Variants in CACNA2D4 observed in about 807,000 individuals in gnomAD.
CACNA2D4 encodes the protein calcium voltage-gated channel auxiliary subunit alpha2delta 4.
Under a neutral mutation model 163.8 loss-of-function variants are expected in CACNA2D4, and 157 were observed. That is an observed-to-expected ratio of 0.96 (90% confidence interval 0.84 to 1.09). The LOEUF (loss-of-function observed/expected upper bound fraction) is 1.09. CACNA2D4 is among the 50% of genes least tolerant of loss of function. The probability of loss-of-function intolerance (pLI) is 0.00; values close to 1 mark genes in which losing one functional copy is unlikely to be tolerated. For missense variants in CACNA2D4, 1,410 were observed against 1,479.9 expected (o/e 0.95, Z 0.78); for synonymous variants, 598 against 586.9 (o/e 1.02, Z -0.27).
rs914330890 is a variant in CACNA2D4, at chr12:1,890,729, T to C, written c.782-3660A>G. ...TGTCTGCATGCCCCAGCAGAGGGCA[T>C]TGGGACAGGTCCACCTGACCTGGCT... On this transcript the variant is annotated intron_variant, in intron 6 of 37. Transcript: ENST00000382722. Among the ~76,000 whole-genome samples the C allele has an allele frequency of 5.9e-5, 9 of 152,288 alleles. No individual in the cohort carries two copies. The South Asian group carries it at 6.2e-4, about 11-fold the overall frequency.
At chr12:1,840,498 C>T (rs927707310) in intron 26 of CACNA2D4, among the ~76,000 whole-genome samples, 2 of 152,090 alleles carry the variant, frequency 1.3e-5, no homozygotes, top group Non-Finnish European at 2.9e-5. Context: ...TCCGTGTGGC[C>T]GTGCAGATCT....
chr12:1,899,379 G>C (rs1290466694), intron 6 of CACNA2D4, among the ~76,000 whole-genome samples: 1 of 152,102 alleles, frequency 6.6e-6, no homozygotes, highest in Non-Finnish European at 1.5e-5. Context: ...GACAAAAGAT[G>C]ATTCCTGACA....
chr12:1,871,712 A>G (rs952503884), intron 18 of CACNA2D4, among the ~76,000 whole-genome samples: 1 of 151,894 alleles, frequency 6.6e-6, no homozygotes, highest in African/African-American at 2.4e-5. Context: ...GTACACGTGT[A>G]TGCAACTGGC....
At chr12:1,848,698 GT>G (rs1865207712) in intron 23 of CACNA2D4, among the ~76,000 whole-genome samples, 1 of 151,588 alleles carries the variant, frequency 6.6e-6, no homozygotes, top group African/African-American at 2.4e-5. Flanking sequence ...GGCCAATGAG[GT>G]TTTTTCCAGT....
rs185635747 is a variant in CACNA2D4 at position 1,833,671 on chromosome 12, T to G, written c.2551+7068A>C. ...GAACATTCCTGCCCAACTCTTTTCCTCTTTACGCCAGGAAGGGAGCTGCCC... is the reference window on the plus strand; with the variant it reads ...GAACATTCCTGCCCAACTCTTTTCCGCTTTACGCCAGGAAGGGAGCTGCCC... On this transcript the variant is annotated intron_variant, in intron 26 of 37. Coordinates refer to ENST00000382722, the MANE Select transcript of CACNA2D4 (RefSeq NM_172364.5). This position sits in a 1 kb window ranked among gnomAD's most constrained non-coding sequence, Gnocchi z 4.2. Among the ~76,000 whole-genome samples the G allele has an allele frequency of 6.6e-5, 10 of 152,222 alleles. No individual in the cohort carries two copies. The highest frequency in any genetic ancestry group is 2.4e-4 in the African/African-American group (10 of 41,528).
intron 11 of CACNA2D4, 57 bp downstream of exon 11, chr12:1,884,711 C>A: frequency 1.7e-6 from 2 of 1,148,204 alleles, no homozygotes; most frequent in South Asian, 2.6e-5. Flanking sequence ...TGCTGGTGAT[C>A]CCATCCATGG....
chr12:1,875,850 A>C lies in CACNA2D4; in HGVS notation c.1720-513T>G, dbSNP rs1865870594. On this transcript the variant is annotated intron_variant, in intron 16 of 37. Transcript: ENST00000382722. This position sits in a 1 kb window ranked among gnomAD's most constrained non-coding sequence, Gnocchi z 4.0. ...TATGTTGTACTTTGTCTTCAATGTC[A>C]CTCTCAAAATGGAGTTCCCAGGACA... 6.6e-6 allele frequency among the ~76,000 whole-genome samples: 1 copy of C among 151,996 alleles called. No homozygotes were observed. Among genetic ancestry groups the C allele is most frequent in the African/African-American group, 2.4e-5 (1 of 41,376 alleles).
chr12:1,886,464 G>A, intron 7 of CACNA2D4, 91 bp from the exon 8 acceptor site: 1 of 1,203,928 alleles, frequency 8.3e-7, no homozygotes, highest in South Asian at 1.5e-5. Context: ...CTGTTCAGAT[G>A]CTGGCTCGAG....
In CACNA2D4 at chr12:1,883,008, G is replaced by T. The variant is rs1258634702; in HGVS notation, c.1352-8C>A. 6.2e-7 allele frequency: 1 copy of T among 1,610,958 alleles called. No homozygotes were observed. The highest frequency in any genetic ancestry group is 1.1e-5 in the South Asian group (1 of 90,298). ...AGATCTGCGTGTAGTAGCCTGCGGT[G>T]GGGAAGGCCGCGTGGGTGTGGAAGG... On this transcript the variant is annotated splice_polypyrimidine_tract_variant and splice_region_variant and intron_variant, in intron 12 of 37. Coordinates refer to ENST00000382722, the MANE Select transcript of CACNA2D4 (RefSeq NM_172364.5). The surrounding 1 kb of genome is among the most constrained non-coding windows in gnomAD (Gnocchi z 4.5).
chr12:1,909,708 T>C (rs1418389914), intron 4 of CACNA2D4, among the ~76,000 whole-genome samples, 198 bp downstream of exon 4: 1 of 152,234 alleles, frequency 6.6e-6, no homozygotes, highest in African/African-American at 2.4e-5. Flanking sequence ...CGGAGTTATT[T>C]GCACTGTGAG....
intron 6 of CACNA2D4, among the ~76,000 whole-genome samples, chr12:1,889,955 T>C (rs568940851): frequency 3.9e-5 from 6 of 152,058 alleles, no homozygotes; most frequent in Admixed American, 2.6e-4. Flanking sequence ...AGAGAGAACA[T>C]TGGAATTCAA....
At position 1,799,823 on chromosome 12, in the gene CACNA2D4, C is replaced by G; in HGVS notation, c.2975-128G>C. On this transcript the variant is annotated intron_variant, in intron 33 of 37. Transcript: ENST00000382722. This position sits in a 1 kb window ranked among gnomAD's most constrained non-coding sequence, Gnocchi z 4.7. ...GGCGGTGTCCCAAGATGATGTCACA[C>G]ACAGAGCCAGGAGTGAGGGATGTGA... is the stretch of plus-strand genomic sequence containing the variant. 1 of 1,338,256 alleles carries G rather than the reference C, an allele frequency of 7.5e-7. No individual in the cohort carries two copies. Among genetic ancestry groups the G allele is most frequent in the East Asian group, 2.5e-5 (1 of 39,958 alleles). The allele number at this position is 1,338,256 out of a possible 1,614,324, so 82.9% of individuals were successfully genotyped here. A position where few individuals can be genotyped will look rare whatever the true frequency, so the allele number is the denominator to read the frequency against.
At chr12:1,837,345 G>T (rs543080083) in intron 26 of CACNA2D4, among the ~76,000 whole-genome samples, 7 of 152,156 alleles carry the variant, frequency 4.6e-5, no homozygotes, top group African/African-American at 1.4e-4. Context: ...CTCAGGCGAC[G>T]GCAAACCATG....
intron 31 of CACNA2D4, 52 bp downstream of exon 31, chr12:1,800,991 G>C (rs1459028107): frequency 1.9e-6 from 3 of 1,544,924 alleles, no homozygotes; most frequent in Non-Finnish European, 2.7e-6. Flanking sequence ...TCCAGGACAG[G>C]GCAGAGGACT....
chr12:1,813,438 C>A (rs1040897295), intron 26 of CACNA2D4, among the ~76,000 whole-genome samples: 6 of 152,188 alleles, frequency 3.9e-5, no homozygotes, highest in Non-Finnish European at 5.9e-5. Flanking sequence ...TCTGTGCTGT[C>A]CTAAACGGTA....
chr12:1,841,978 C>T (rs367619953), intron 25 of CACNA2D4, among the ~76,000 whole-genome samples: 17 of 152,334 alleles, frequency 1.1e-4, no homozygotes, highest in African/African-American at 3.6e-4. Context: ...ACAGACATCT[C>T]GAAGGTGGTG....
At chr12:1,871,297 GGTGT>G (rs1054343127) in intron 18 of CACNA2D4, among the ~76,000 whole-genome samples, 2 of 147,534 alleles carry the variant, frequency 1.4e-5, no homozygotes, top group South Asian at 2.2e-4. Flanking sequence ...GTATGTTGCT[GGTGT>G]GTGTGTATAC....
At chr12:1,907,098 T>G (rs1866677315) in intron 6 of CACNA2D4, among the ~76,000 whole-genome samples, 1 of 152,274 alleles carries the variant, frequency 6.6e-6, no homozygotes, top group African/African-American at 2.4e-5. Context: ...CGCCTCATTT[T>G]TCCAATTGGG....
At chr12:1,908,070 C>A in intron 4 of CACNA2D4, 33 bp from the exon 5 acceptor site, 1 of 1,587,954 alleles carries the variant, frequency 6.3e-7, no homozygotes, top group South Asian at 1.1e-5. Flanking sequence ...ACGGAGGCGG[C>A]CCGAGCACCG....
Sources: gnomAD v4.1 joint callset for allele counts (sites outside exome capture counted in the v4.1 genomes callset) on GRCh38, gnomAD v4.1.1 for gene constraint, Gnocchi (gnomAD v3.1) non-coding constraint, MANE v1.5 for transcripts, NCBI Gene and HGNC (gene_info 2026-07-23, HGNC 2026-07-21) for gene names.